The following PTDSS2 variants were observed in gnomAD, a reference collection of about 807,000 sequenced individuals.
The protein encoded by PTDSS2 is PSS-2.
In PTDSS2, 41 loss-of-function variants were observed where a neutral mutation model predicts 64.7. The ratio of observed to expected loss-of-function variants is 0.63; its 90% CI spans 0.49 to 0.82. The LOEUF (loss-of-function observed/expected upper bound fraction) is 0.82, where lower values mean the gene tolerates loss of function less well. PTDSS2 is among the 40% of genes least tolerant of loss of function. The pLI is 0.00. For missense variants in PTDSS2, 485 were observed against 650.0 expected (o/e 0.75, Z 2.76); for synonymous variants, 297 against 277.8 (o/e 1.07, Z -0.69).
chr11:488,254 T>A lies in PTDSS2; in HGVS notation c.677T>A (p.Phe226Tyr). The A allele has an allele frequency of 6.2e-7, 1 of 1,613,582 alleles. No individual in the cohort carries two copies. Among genetic ancestry groups the A allele is most frequent in the Non-Finnish European group, 8.5e-7 (1 of 1,179,942 alleles). ...ATGATCATCAGCGTGATGTTCGAGT[T>A]CCTGGAGTACAGCCTGGAGCACCAG... ...MCMIISVMFE[F>Y]LEYSLEHQLP... The change falls in exon 7 of 12, where the codon TTC becomes TAC. Residue 226 changes from phenylalanine to tyrosine, a missense_variant. By Grantham distance (22) the Phe-to-Tyr change is conservative. Transcript: ENST00000308020.
intron 1 of PTDSS2, among the ~76,000 whole-genome samples, chr11:457,353 A>G (rs1046472823): frequency 3.3e-5 from 5 of 152,174 alleles, no homozygotes; most frequent in African/African-American, 1.2e-4. Context: ...ATGCAAACTC[A>G]TTTCCTTGAG....
intron 2 of PTDSS2, among the ~76,000 whole-genome samples, chr11:464,651 C>CA (rs1343135382): frequency 6.6e-6 from 1 of 152,208 alleles, no homozygotes; most frequent in Non-Finnish European, 1.5e-5. Flanking sequence ...CCGGTGGGCT[C>CA]ACTGGGGAGC....
chr11:474,131 G>A (rs1009947375), intron 3 of PTDSS2, among the ~76,000 whole-genome samples, 154 bp downstream of exon 3: 5 of 152,300 alleles, frequency 3.3e-5, no homozygotes, highest in African/African-American at 7.2e-5. Flanking sequence ...GGACAAGGGC[G>A]TGGGGTTCTG....
In PTDSS2 at chr11:470,368, G is replaced by C. The variant is rs960654206; in HGVS notation, c.285-3527G>C. On this transcript the variant is annotated intron_variant, in intron 2 of 11. Coordinates refer to ENST00000308020, the MANE Select transcript of PTDSS2 (RefSeq NM_030783.3). This position sits in a 1 kb window ranked among gnomAD's most constrained non-coding sequence, Gnocchi z 5.3. Reference sequence around the variant, plus strand: ...AACATTCCACAGAATTCCTGACCAGGCCTCCTCCAAACCATCCAGGTCATC... The same window carrying C: ...AACATTCCACAGAATTCCTGACCAGCCCTCCTCCAAACCATCCAGGTCATC... Among the ~76,000 whole-genome samples the C allele has an allele frequency of 6.6e-6, 1 of 152,150 alleles. No homozygotes were observed. The highest frequency in any genetic ancestry group is 6.5e-5 in the Admixed American group (1 of 15,268).
At chr11:482,909 G>A (rs1282812172) in intron 4 of PTDSS2, among the ~76,000 whole-genome samples, 2 of 131,452 alleles carry the variant, frequency 1.5e-5, no homozygotes, top group African/African-American at 3.1e-5. Context: ...TGAGTTTTTC[G>A]TAGATCTCCC....
At chr11:469,151 A>C (rs1847286914) in intron 2 of PTDSS2, among the ~76,000 whole-genome samples, 1 of 96,494 alleles carries the variant, frequency 1.0e-5, no homozygotes, top group Non-Finnish European at 2.1e-5. Context: ...GTCTCTGGGT[A>C]ATTGGAAGGA....
rs1021456376 is a variant in PTDSS2 at position 487,620 on chromosome 11, G to A, written c.621+150G>A. ...CAGCCACCCAGAGGTTCGAGAAGCC[G>A]TGGGGCTCCCGGACCTCCCAGAAGC... On this transcript the variant is annotated intron_variant, in intron 6 of 11. Transcript: ENST00000308020. 2.6e-5 allele frequency: 19 copies of A among 742,724 alleles called. 1 individual carries two copies. The highest frequency in any genetic ancestry group is 9.5e-5 in the South Asian group (6 of 63,426). The allele number at this position is 742,724 out of a possible 1,614,324, so 46.0% of individuals were successfully genotyped here.
rs1218962041 is a variant in PTDSS2 at position 470,737 on chromosome 11, C to A, written c.285-3158C>A. Among the ~76,000 whole-genome samples the A allele has an allele frequency of 6.6e-6, 1 of 151,802 alleles. No homozygotes were observed. Among genetic ancestry groups the A allele is most frequent in the African/African-American group, 2.4e-5 (1 of 41,310 alleles). ...CCCGAGTAGCTGGGATTACAGGTGC[C>A]TGCCACCACATCTGGCTAATTTGTG... On this transcript the variant is annotated intron_variant, in intron 2 of 11. Transcript: ENST00000308020. The surrounding 1 kb of genome is among the most constrained non-coding windows in gnomAD (Gnocchi z 5.3).
At position 479,022 on chromosome 11, in the gene PTDSS2, G is replaced by A; in HGVS notation, c.368-63G>A. 7.1e-7 allele frequency: 1 copy of A among 1,414,286 alleles called. No homozygotes were observed. Among genetic ancestry groups the A allele is most frequent in the Non-Finnish European group, 1.0e-6 (1 of 998,778 alleles). 87.6% of individuals were successfully genotyped at this position (1,414,286 alleles called of 1,614,324 possible). A position where few individuals can be genotyped will look rare whatever the true frequency, so the allele number is the denominator to read the frequency against. ...GTGAAGGAGCCAGGAGCCGGCCTGG[G>A]GCTGAGCGGGGCCGTGGAGGCCTGG... On this transcript the variant is annotated intron_variant, in intron 3 of 11. Coordinates refer to ENST00000308020, the MANE Select transcript of PTDSS2 (RefSeq NM_030783.3). This position sits in a 1 kb window ranked among gnomAD's most constrained non-coding sequence, Gnocchi z 4.2.
chr11:449,811 A>G (rs7482616), upstream of PTDSS2, among the ~76,000 whole-genome samples: 94,568 of 151,884 alleles, frequency 0.62, 29,650 homozygotes, highest in East Asian at 0.81. Context: ...GCCGGGCGTG[A>G]TGGCGGCCGC....
chr11:460,205 C>G lies in PTDSS2; in HGVS notation c.201C>G (p.Thr67=). 6.2e-7 allele frequency: 1 copy of G among 1,614,178 alleles called. No homozygotes were observed. The highest frequency in any genetic ancestry group is 8.5e-7 in the Non-Finnish European group (1 of 1,180,016). The part of the protein sequence containing the change: ...NTFFWRAHTL[T]VLFILTCTLG... ...ATTTCAGGCGAGCCCACACCTTAAC[C>G]GTGCTCTTCATCCTCACCTGTACGC... is the stretch of plus-strand genomic sequence containing the variant. Residue 67 remains threonine (T), a synonymous_variant, in exon 2 of 12, where the codon ACC becomes ACG. Coordinates refer to ENST00000308020, the MANE Select transcript of PTDSS2 (RefSeq NM_030783.3). The surrounding 1 kb of genome is among the most constrained non-coding windows in gnomAD (Gnocchi z 5.8).
intron 3 of PTDSS2, among the ~76,000 whole-genome samples, chr11:475,245 G>A (rs1191445510): frequency 5.3e-5 from 4 of 75,660 alleles, no homozygotes; most frequent in Non-Finnish European, 8.1e-5. Context: ...ACGTGTTTGT[G>A]TGTACGGACA....
intron 2 of PTDSS2, among the ~76,000 whole-genome samples, chr11:472,801 C>G (rs1847532430): frequency 6.6e-6 from 1 of 152,230 alleles, no homozygotes; most frequent in Admixed American, 6.5e-5. Context: ...GTGGCCCCGT[C>G]TATTCTTGCG....
At chr11:459,859 T>C (rs918580182) in intron 1 of PTDSS2, 1 of 319,250 alleles carries the variant, frequency 3.1e-6, no homozygotes, top group Middle Eastern at 9.9e-4. Context: ...GCGCGTGTTT[T>C]ACGTGTCCAG....
At position 490,004 on chromosome 11, in the gene PTDSS2, T is replaced by C; in HGVS notation, c.1237T>C (p.Ser413Pro). ...CACCCTGTCCCTGCCCTTCTACATC[T>C]CCCAGTGCTGGACCCTCGGCTCCGT... ...TLTLSLPFYI[S>P]QCWTLGSVLA... The change falls in exon 11 of 12, where the codon TCC (serine) becomes CCC (proline). Residue 413 changes from serine (S) to proline (P), a missense_variant. Transcript: ENST00000308020. 6.2e-7 allele frequency: 1 copy of C among 1,612,112 alleles called. No individual in the cohort carries two copies. Among genetic ancestry groups the C allele is most frequent in the Non-Finnish European group, 8.5e-7 (1 of 1,179,972 alleles).
chr11:487,543 C>A, intron 6 of PTDSS2, 73 bp downstream of exon 6: 2 of 1,411,458 alleles, frequency 1.4e-6, no homozygotes, highest in Non-Finnish European at 2.0e-6. Context: ...CCGTTTCTGT[C>A]CATGGAGTTG....
At chr11:465,589 A>G (rs1490724257) in intron 2 of PTDSS2, among the ~76,000 whole-genome samples, 1 of 152,250 alleles carries the variant, frequency 6.6e-6, no homozygotes, top group East Asian at 1.9e-4. Flanking sequence ...CCAGTAGCAC[A>G]ATCCATGAAA....
intron 6 of PTDSS2, 34 bp downstream of exon 6, chr11:487,504 C>G (rs375374639): frequency 6.2e-7 from 1 of 1,601,100 alleles, no homozygotes; most frequent in Non-Finnish European, 8.6e-7. Flanking sequence ...CTCCCCGCCC[C>G]GGTTCTGAGG....
At chr11:490,189 G>A (rs528316060) in intron 11 of PTDSS2, 121 bp downstream of exon 11, 85 of 1,227,450 alleles carry the variant, frequency 6.9e-5, no homozygotes, top group African/African-American at 3.0e-4. Context: ...CCCTCTGGCC[G>A]CCTCTGCGGG....
Sources: gnomAD v4.1 joint callset for allele counts (sites outside exome capture counted in the v4.1 genomes callset) on GRCh38, gnomAD v4.1.1 for gene constraint, Gnocchi (gnomAD v3.1) non-coding constraint, MANE v1.5 for transcripts, NCBI Gene and HGNC (gene_info 2026-07-23, HGNC 2026-07-21) for gene names.